Variants in DIPK2A observed in about 807,000 individuals in gnomAD.
The protein encoded by DIPK2A is divergent protein kinase domain 2A, also known as Golgi Protein of 49 kDa.
Under a neutral mutation model 39.0 loss-of-function variants are expected in DIPK2A, and 27 were observed. The observed-to-expected ratio is 0.69, with a 90% CI of 0.51 to 0.96. The LOEUF (loss-of-function observed/expected upper bound fraction) is 0.96. Ranked by LOEUF, DIPK2A falls within the 40% of genes least tolerant of loss-of-function variation. The pLI, the probability that DIPK2A is intolerant of heterozygous loss-of-function variation, is 0.00. For missense variants in DIPK2A, 528 were observed against 571.3 expected (o/e 0.92, Z 0.77); for synonymous variants, 298 against 240.8 (o/e 1.24, Z -2.20).
intron 1 of DIPK2A, among the ~76,000 whole-genome samples, chr3:143,981,620 C>T (rs1420565879): frequency 1.3e-5 from 2 of 151,960 alleles, no homozygotes; most frequent in South Asian, 2.1e-4. Context: ...ATATATAAAC[C>T]GTTACCTTTA....
At chr3:143,984,816 A>T (rs2087876193) in intron 1 of DIPK2A, among the ~76,000 whole-genome samples, 1 of 152,116 alleles carries the variant, frequency 6.6e-6, no homozygotes. Context: ...GGGAAACAAG[A>T]TGAACTTGGA....
chr3:143,988,762 G>T (rs1275313813), intron 2 of DIPK2A, among the ~76,000 whole-genome samples: 2 of 151,818 alleles, frequency 1.3e-5, no homozygotes, highest in Admixed American at 1.3e-4. Flanking sequence ...CACTATTATG[G>T]CAATTGTACA....
At chr3:143,984,582 C>CT (rs1404331212) in intron 1 of DIPK2A, among the ~76,000 whole-genome samples, 1 of 151,732 alleles carries the variant, frequency 6.6e-6, no homozygotes, top group Non-Finnish European at 1.5e-5. Flanking sequence ...CTTTTTTTCT[C>CT]TAATGTTCAT....
rs370477658 is a variant in DIPK2A at position 143,982,231 on chromosome 3, C to G, written c.658-3312C>G. On this transcript the variant is annotated intron_variant, in intron 1 of 2. Transcript: ENST00000315691. ...ACTAGAGGTCAGTAAAGATGTTTCT[C>G]TAATTTAGTGGTTCTTCACTCTATT... 2.0e-4 allele frequency among the ~76,000 whole-genome samples: 30 copies of G among 152,200 alleles called. No individual in the cohort carries two copies. The East Asian group carries it at 5.6e-3, about 28-fold the overall frequency.
intron 1 of DIPK2A, among the ~76,000 whole-genome samples, chr3:143,983,910 T>C (rs546693157): frequency 2.6e-5 from 4 of 152,068 alleles, no homozygotes; most frequent in South Asian, 2.1e-4. Flanking sequence ...TTCATCTACA[T>C]TGAAAATCTG....
At chr3:143,988,728 T>G (rs1288878153) in intron 2 of DIPK2A, among the ~76,000 whole-genome samples, 1 of 152,224 alleles carries the variant, frequency 6.6e-6, no homozygotes, top group East Asian at 1.9e-4. Context: ...TTTATATTTA[T>G]TTTGTTTATA....
In DIPK2A at chr3:143,989,594, T is replaced by G; in HGVS notation, c.1046T>G (p.Ile349Ser). 1 of 1,614,238 alleles carries G rather than the reference T, an allele frequency of 6.2e-7. No individual in the cohort carries two copies. Among genetic ancestry groups the G allele is most frequent in the Non-Finnish European group, 8.5e-7 (1 of 1,180,032 alleles). ...KEACLSFSKEILCARATVDHN... is the reference protein window; with the variant it reads ...KEACLSFSKESLCARATVDHN... ...GCTTGCTTATCATTTTCAAAAGAAA[T>G]TCTTTGTGCTCGTGCCACTGTGGAC... Residue 349 changes from isoleucine to serine, a missense_variant, in exon 3 of 3, where the codon ATT becomes AGT. Physicochemically the swap from Ile to Ser is moderately radical, Grantham distance 142 (BLOSUM62 -2). Coordinates refer to ENST00000315691, the MANE Select transcript of DIPK2A (RefSeq NM_173552.5).
intron 2 of DIPK2A, among the ~76,000 whole-genome samples, chr3:143,988,023 T>C (rs752490259): frequency 4.1e-4 from 63 of 152,184 alleles, no homozygotes; most frequent in Non-Finnish European, 7.8e-4. Context: ...TGACTTCCCA[T>C]TGTTCTGGAA....
intron 1 of DIPK2A, among the ~76,000 whole-genome samples, chr3:143,979,961 A>G (rs1208450964): frequency 6.6e-6 from 1 of 152,228 alleles, no homozygotes; most frequent in Non-Finnish European, 1.5e-5. Flanking sequence ...AAATCTTGAA[A>G]TTGTTAAGCT....
In DIPK2A at chr3:143,986,991, TGCATGATCTTG is replaced by T; in HGVS notation, c.961+1154_961+1164del. 2.0e-5 allele frequency among the ~76,000 whole-genome samples: 3 copies of T among 152,300 alleles called. No individual in the cohort carries two copies. In the East Asian group the frequency reaches 5.8e-4, roughly 29 times the overall value. ...ATATATTAGGTTGACATTTACTTTT[TGCATGATCTTG>T]GCATGATCCTATTAAATACTTGATT... On this transcript the variant is annotated intron_variant, in intron 2 of 2. Transcript: ENST00000315691.
At chr3:143,973,290 T>G in intron 1 of DIPK2A, 1 of 1,488,816 alleles carries the variant, frequency 6.7e-7, no homozygotes, top group Non-Finnish European at 9.1e-7. Flanking sequence ...ATGTCTCTAC[T>G]GCGAGTTTCC....
At position 143,972,346 on chromosome 3, in the gene DIPK2A, T is replaced by C; in HGVS notation, c.14T>C (p.Val5Ala). Residue 5 changes from valine (V) to alanine (A), a missense_variant, in exon 1 of 3, where the codon GTG becomes GCG. Val to Ala is a moderately conservative substitution (Grantham distance 64). This residue lies in a region of DIPK2A where 309 missense variants were observed against 289.8 expected (regional missense o/e 1.07). Transcript: ENST00000315691. ...CGGGCGGGCGGTATGTGGCGCCTGG[T>C]GCCCCCGAAGCTGGGCCGCCTGTCC... is the stretch of plus-strand genomic sequence containing the variant. MWRL[V>A]PPKLGRLSRS... 7.4e-7 allele frequency: 1 copy of C among 1,355,628 alleles called. No homozygotes were observed. Among genetic ancestry groups the C allele is most frequent in the East Asian group, 3.0e-5 (1 of 33,792 alleles). 84.0% of individuals were successfully genotyped at this position (1,355,628 alleles called of 1,614,324 possible).
intron 2 of DIPK2A, among the ~76,000 whole-genome samples, chr3:143,987,742 C>T (rs1487654829): frequency 6.6e-6 from 1 of 152,190 alleles, no homozygotes; most frequent in Admixed American, 6.5e-5. Flanking sequence ...ATAAGACTCT[C>T]TTCTGCTTCT....
chr3:143,976,541 T>C (rs937052716), intron 1 of DIPK2A, among the ~76,000 whole-genome samples: 7 of 108,348 alleles, frequency 6.5e-5, no homozygotes, highest in African/African-American at 2.6e-4. Flanking sequence ...AGTGTGTGTG[T>C]GTGTGTGTGT....
intron 2 of DIPK2A, 79 bp from the exon 3 acceptor site, chr3:143,989,431 A>G: frequency 1.3e-6 from 1 of 774,142 alleles, no homozygotes; most frequent in East Asian, 2.7e-5. Flanking sequence ...ACTATTAATT[A>G]GTGAAATATT....
chr3:143,985,645 A>G lies in DIPK2A; in HGVS notation c.760A>G (p.Asn254Asp). 1.2e-6 allele frequency: 2 copies of G among 1,614,160 alleles called. No homozygotes were observed. The highest frequency in any genetic ancestry group is 1.7e-6 in the Non-Finnish European group (2 of 1,179,978). ...TGGAGAAGAACTGTGGAGTTACTTTAATGCGCCATGGGAAAAACGAGTTGA... is the reference window on the plus strand; with the variant it reads ...TGGAGAAGAACTGTGGAGTTACTTTGATGCGCCATGGGAAAAACGAGTTGA... Reference protein sequence around the residue: ...YVGEELWSYFNAPWEKRVDLA... With the variant: ...YVGEELWSYFDAPWEKRVDLA... Residue 254 changes from asparagine to aspartate, a missense_variant, in exon 2 of 3, where the codon AAT becomes GAT. Around this residue, in one of 2 missense-constraint regions of DIPK2A, gnomAD observed 219 missense variants for 281.5 expected, o/e 0.78. Coordinates refer to ENST00000315691, the MANE Select transcript of DIPK2A (RefSeq NM_173552.5).
intron 1 of DIPK2A, among the ~76,000 whole-genome samples, chr3:143,979,695 T>A (rs1048696872): frequency 6.7e-4 from 86 of 127,496 alleles, no homozygotes; most frequent in African/African-American, 2.1e-3. Context: ...TGTTTTGTGT[T>A]TTTTTTTGGT....
chr3:143,977,596 A>G (rs2107840623), intron 1 of DIPK2A, among the ~76,000 whole-genome samples: 1 of 152,246 alleles, frequency 6.6e-6, no homozygotes, highest in East Asian at 1.9e-4. Flanking sequence ...CAACAGTTTA[A>G]GGAACCACCT....
chr3:143,974,044 C>T (rs1030324973), intron 1 of DIPK2A, among the ~76,000 whole-genome samples: 3 of 151,962 alleles, frequency 2.0e-5, no homozygotes, highest in Non-Finnish European at 4.4e-5. Flanking sequence ...AAAAAAATGA[C>T]TTAAAAGTTC....
Sources: allele counts gnomAD v4.1 joint callset (sites outside exome capture counted in the v4.1 genomes callset), GRCh38; gene constraint gnomAD v4.1.1; regional missense constraint gnomAD v4.1.1; transcripts MANE v1.5; gene names NCBI Gene and HGNC (gene_info 2026-07-23, HGNC 2026-07-21).